HNF4G: variants seen among roughly 807,000 people sequenced by gnomAD.
HNF4G encodes the protein hepatocyte nuclear factor 4 gamma, also known as hepatocyte nuclear factor 4-gamma.
Under a neutral mutation model 50.9 loss-of-function variants are expected in HNF4G, and 21 were observed. That is an observed-to-expected ratio of 0.41 (90% CI 0.29 to 0.59). HNF4G has a LOEUF of 0.59. Among genes scored for constraint, HNF4G ranks in the 20% least tolerant of loss-of-function variants. The pLI is 0.26. For missense variants in HNF4G, 527 were observed against 559.4 expected (o/e 0.94, Z 0.58); for synonymous variants, 198 against 185.6 (o/e 1.07, Z -0.54).
chr8:75,469,492 G>A (rs1812065482), intron 1 of HNF4G, among the ~76,000 whole-genome samples: 1 of 151,892 alleles, frequency 6.6e-6, no homozygotes, highest in South Asian at 2.1e-4. Context: ...TTTTTTAGAG[G>A]GTTTCACTTA....
chr8:75,525,387 C>T (rs1423941556), intron 2 of HNF4G, among the ~76,000 whole-genome samples: 1 of 152,182 alleles, frequency 6.6e-6, no homozygotes, highest in African/African-American at 2.4e-5. Flanking sequence ...CCAGGATGGT[C>T]TCGATCTCTT....
chr8:75,411,127 G>A (rs941578202), intron 1 of HNF4G, among the ~76,000 whole-genome samples: 4 of 152,222 alleles, frequency 2.6e-5, no homozygotes, highest in African/African-American at 9.7e-5. Context: ...CGTTTACATG[G>A]GATAGAGCTG....
intron 1 of HNF4G, among the ~76,000 whole-genome samples, chr8:75,454,707 C>A (rs1486915376): frequency 6.6e-6 from 1 of 152,136 alleles, no homozygotes. Context: ...CCCAAAATAA[C>A]CCTAATCACT....
intron 1 of HNF4G, among the ~76,000 whole-genome samples, chr8:75,449,800 C>T (rs1245141923): frequency 6.6e-6 from 1 of 152,114 alleles, no homozygotes; most frequent in Non-Finnish European, 1.5e-5. Context: ...AGCCACCGCG[C>T]CCGGCCTATC....
chr8:75,436,299 T>A (rs1335081758), intron 1 of HNF4G, among the ~76,000 whole-genome samples: 1 of 152,214 alleles, frequency 6.6e-6, no homozygotes, highest in Non-Finnish European at 1.5e-5. Context: ...ATCTGAACAT[T>A]TATGTGGTAG....
At chr8:75,473,136 C>T (rs28571045) in intron 1 of HNF4G, among the ~76,000 whole-genome samples, 18,495 of 151,812 alleles carry the variant, frequency 0.12, 1,507 homozygotes, top group African/African-American at 0.24. Flanking sequence ...GGTGAAACTC[C>T]GTCTCTACTA....
intron 1 of HNF4G, among the ~76,000 whole-genome samples, chr8:75,417,556 G>A (rs537076489): frequency 4.6e-5 from 7 of 152,220 alleles, no homozygotes; most frequent in East Asian, 3.9e-4. Context: ...TACTAATAAG[G>A]TCTTATGCTA....
At chr8:75,432,114 C>T (rs1025223176) in intron 1 of HNF4G, among the ~76,000 whole-genome samples, 3 of 151,448 alleles carry the variant, frequency 2.0e-5, no homozygotes, top group Non-Finnish European at 4.4e-5. Flanking sequence ...ATTAGCCAGG[C>T]GTCATGATGT....
At chr8:75,468,766 G>A (rs192991682) in intron 1 of HNF4G, among the ~76,000 whole-genome samples, 1 of 152,032 alleles carries the variant, frequency 6.6e-6, no homozygotes, top group Admixed American at 6.6e-5. Context: ...CCCTTTCCCT[G>A]TGTAATTTAC....
chr8:75,410,504 G>C (rs1810475780), intron 1 of HNF4G, among the ~76,000 whole-genome samples: 1 of 152,176 alleles, frequency 6.6e-6, no homozygotes, highest in African/African-American at 2.4e-5. Context: ...TTCTGAGCTT[G>C]TAAAAGAATC....
intron 2 of HNF4G, among the ~76,000 whole-genome samples, chr8:75,496,019 A>G (rs1812758358): frequency 6.6e-6 from 1 of 152,166 alleles, no homozygotes; most frequent in Non-Finnish European, 1.5e-5. Context: ...AGTTATGAGC[A>G]GGTACTACTA....
At chr8:75,433,936 T>C (rs1020340468) in intron 1 of HNF4G, among the ~76,000 whole-genome samples, 2 of 151,300 alleles carry the variant, frequency 1.3e-5, no homozygotes, top group African/African-American at 4.9e-5. Context: ...GGATTCAATA[T>C]AAAGATAAGA....
chr8:75,420,912 T>C (rs531706386), intron 1 of HNF4G, among the ~76,000 whole-genome samples: 86 of 152,330 alleles, frequency 5.6e-4, no homozygotes, highest in African/African-American at 2.0e-3. Flanking sequence ...TAATTATTTT[T>C]GTTTAGATTA....
chr8:75,423,480 C>T (rs1445705784), intron 1 of HNF4G, among the ~76,000 whole-genome samples: 1 of 151,230 alleles, frequency 6.6e-6, no homozygotes, highest in African/African-American at 2.4e-5. Context: ...ACTCCGCCTC[C>T]CAGGTTCATG....
At chr8:75,527,787 G>T (rs2941449) in intron 2 of HNF4G, among the ~76,000 whole-genome samples, 63,731 of 151,746 alleles carry the variant, frequency 0.42, 13,751 homozygotes, top group Middle Eastern at 0.59. Context: ...TTCAGTTATT[G>T]TGATTGACTC....
intron 1 of HNF4G, among the ~76,000 whole-genome samples, chr8:75,542,018 AG>A (rs1806634607): frequency 6.6e-6 from 1 of 152,100 alleles, no homozygotes; most frequent in African/African-American, 2.4e-5. Context: ...TAAAAAGCTA[AG>A]GCCAGGTGTG....
chr8:75,451,628 T>A (rs1295732475), intron 1 of HNF4G, among the ~76,000 whole-genome samples: 1 of 152,198 alleles, frequency 6.6e-6, no homozygotes, highest in Non-Finnish European at 1.5e-5. Flanking sequence ...GTTCTTGGCA[T>A]CTTTAATGAA....
At chr8:75,449,755 C>G (rs369634832) in intron 1 of HNF4G, among the ~76,000 whole-genome samples, 12 of 152,042 alleles carry the variant, frequency 7.9e-5, no homozygotes, top group Non-Finnish European at 5.9e-5. Flanking sequence ...GATCCGCCCC[C>G]CTTGGCCTCC....
intron 2 of HNF4G, among the ~76,000 whole-genome samples, chr8:75,519,993 T>A (rs1344260573): frequency 2.0e-5 from 3 of 152,130 alleles, no homozygotes; most frequent in Admixed American, 6.6e-5. Context: ...TTGTTTTCTG[T>A]TTCTTTTTTT....
Sources: allele counts gnomAD v4.1 joint callset (sites outside exome capture counted in the v4.1 genomes callset), GRCh38; gene constraint gnomAD v4.1.1; transcripts MANE v1.5; gene names NCBI Gene and HGNC (gene_info 2026-07-23, HGNC 2026-07-21).